The following ATP11B variants were observed in gnomAD, a reference collection of about 807,000 sequenced individuals.
The protein encoded by ATP11B is phospholipid-transporting ATPase IF.
In ATP11B, 81 loss-of-function variants were observed where a neutral mutation model predicts 157.8. The observed-to-expected ratio is 0.51, with a 90% CI of 0.43 to 0.62. The LOEUF is 0.62. Among genes scored for constraint, ATP11B ranks in the 20% least tolerant of loss-of-function variants. The pLI, the probability that ATP11B is intolerant of heterozygous loss-of-function variation, is 0.00. For synonymous variants in ATP11B, 451 were observed against 469.4 expected (o/e 0.96, Z 0.51); for missense variants, 1,165 against 1,402.2 (o/e 0.83, Z 2.70).
chr3:182,873,762 T>C (rs1157104158), intron 18 of ATP11B, 50 bp from the exon 19 acceptor site: 3 of 1,463,152 alleles, frequency 2.1e-6, no homozygotes, highest in African/African-American at 2.8e-5. Flanking sequence ...TAACTTAAAA[T>C]ACAGTCATAA....
chr3:182,842,701 C>T (rs1577006012), intron 8 of ATP11B, among the ~76,000 whole-genome samples: 1 of 152,240 alleles, frequency 6.6e-6, no homozygotes, highest in African/African-American at 2.4e-5. Context: ...TGAGGCTGAA[C>T]ACACCCAACA....
intron 4 of ATP11B, among the ~76,000 whole-genome samples, chr3:182,831,764 T>C (rs1238336705): frequency 4.6e-5 from 7 of 152,218 alleles, no homozygotes; most frequent in Admixed American, 4.6e-4. Flanking sequence ...GCCACTCTTA[T>C]TTCTTAGTCT....
rs1577135603 is a variant in ATP11B at position 182,921,345 on chromosome 3, C to CTGT, written c.*3243_*3245dup. ...ATAAAAGTAAAACACTATTAAAGTG[C>CTGT]TGTTTTATGTGAAATAACTTGAATG... On this transcript the variant is annotated 3_prime_UTR_variant, in exon 30 of 30. Coordinates refer to ENST00000323116, the MANE Select transcript of ATP11B (RefSeq NM_014616.3). The CTGT allele has an allele frequency of 3.9e-5, 6 of 152,234 alleles. 1 individual carries two copies. Among genetic ancestry groups the CTGT allele is most frequent in the Admixed American group, 6.5e-5 (1 of 15,298 alleles). The allele number at this position is 152,234 out of a possible 1,614,324, so 9.4% of individuals were successfully genotyped here.
At chr3:182,833,588 C>G (rs1718318218) in intron 4 of ATP11B, 1 of 152,142 alleles carries the variant, frequency 6.6e-6, no homozygotes, top group Admixed American at 6.6e-5. Context: ...TTCGGCCTCC[C>G]AAAGTGATGT....
At chr3:182,857,831 AGT>A in intron 10 of ATP11B, 45 bp from the exon 11 acceptor site, 1 of 1,200,560 alleles carries the variant, frequency 8.3e-7, no homozygotes, top group Non-Finnish European at 1.2e-6. Context: ...AAATGAATAT[AGT>A]AATACATGAG....
At chr3:182,854,209 C>G (rs1720196238) in intron 10 of ATP11B, among the ~76,000 whole-genome samples, 1 of 152,188 alleles carries the variant, frequency 6.6e-6, no homozygotes, top group South Asian at 2.1e-4. Flanking sequence ...GTGGCTCACA[C>G]CAGTAATCCC....
At chr3:182,851,970 A>G (rs1223172160) in intron 10 of ATP11B, among the ~76,000 whole-genome samples, 3 of 152,258 alleles carry the variant, frequency 2.0e-5, no homozygotes, top group East Asian at 1.9e-4. Context: ...TTGTAAGCCT[A>G]TGAAAACTGA....
At position 182,913,928 on chromosome 3, in the gene ATP11B, C is replaced by T. The variant is rs777176110; in HGVS notation, c.3386C>T (p.Ala1129Val). ...TGCTGTTTCCCGGAAGGAGAAGCAG[C>T]GTGTGCATCTGTTGGAAGAATGCTG... ...SMCCFPEGEA[A>V]CASVGRMLER... is the part of the protein sequence containing the mutation. Residue 1129 changes from alanine to valine, a missense_variant, in exon 29 of 30, where the codon GCG becomes GTG. Transcript: ENST00000323116. The T allele has an allele frequency of 1.4e-5, 23 of 1,614,120 alleles. No homozygotes were observed. In the Admixed American group the frequency reaches 1.5e-4, roughly 11 times the overall value.
At chr3:182,872,104 C>T (rs1043279344) in intron 17 of ATP11B, among the ~76,000 whole-genome samples, 4 of 152,148 alleles carry the variant, frequency 2.6e-5, no homozygotes, top group East Asian at 3.8e-4. Context: ...CGTGAGCCAC[C>T]GCACCCAGCC....
chr3:182,912,569 T>G (rs546115775), intron 28 of ATP11B, among the ~76,000 whole-genome samples: 5 of 152,272 alleles, frequency 3.3e-5, no homozygotes, highest in Non-Finnish European at 7.3e-5. Flanking sequence ...TGGCTCTTTC[T>G]CAGTGCTTAG....
At chr3:182,859,075 A>G in intron 11 of ATP11B, 87 bp from the exon 12 acceptor site, 4 of 916,642 alleles carry the variant, frequency 4.4e-6, no homozygotes, top group South Asian at 1.8e-5. Flanking sequence ...CTATGTAGGC[A>G]TGAAACTTTC....
At chr3:182,873,132 TAA>T (rs762539385) in intron 18 of ATP11B, among the ~76,000 whole-genome samples, 7 of 152,364 alleles carry the variant, frequency 4.6e-5, no homozygotes, top group Non-Finnish European at 1.0e-4. Flanking sequence ...ATTATTTGTT[TAA>T]AGACTTCTCC....
intron 27 of ATP11B, among the ~76,000 whole-genome samples, chr3:182,897,662 A>T (rs1224003075): frequency 6.6e-6 from 1 of 151,924 alleles, no homozygotes; most frequent in Non-Finnish European, 1.5e-5. Context: ...GTAGAAACTG[A>T]GCCTCAGGAT....
intron 1 of ATP11B, among the ~76,000 whole-genome samples, chr3:182,804,879 A>G (rs868684853): frequency 4.0e-4 from 61 of 152,158 alleles, no homozygotes; most frequent in Non-Finnish European, 1.3e-4. Flanking sequence ...CGTACCATAT[A>G]TGTGGTATTT....
intron 28 of ATP11B, among the ~76,000 whole-genome samples, chr3:182,909,613 T>C (rs1268825277): frequency 2.0e-5 from 3 of 152,318 alleles, no homozygotes; most frequent in East Asian, 1.9e-4. Context: ...CTGGCAACTA[T>C]GTCTATACAG....
chr3:182,876,479 T>G (rs1722050074), intron 19 of ATP11B, among the ~76,000 whole-genome samples: 1 of 152,220 alleles, frequency 6.6e-6, no homozygotes, highest in East Asian at 1.9e-4. Flanking sequence ...CTTGCCGTCT[T>G]AGTCTGTTTG....
At chr3:182,827,061 G>A (rs1717772915) in intron 2 of ATP11B, among the ~76,000 whole-genome samples, 1 of 152,042 alleles carries the variant, frequency 6.6e-6, no homozygotes, top group Non-Finnish European at 1.5e-5. Context: ...CTACCTATGT[G>A]CCAAGGAGTA....
intron 4 of ATP11B, among the ~76,000 whole-genome samples, chr3:182,832,920 G>A (rs1281019214): frequency 3.3e-5 from 5 of 151,914 alleles, no homozygotes; most frequent in East Asian, 1.9e-4. Context: ...GATCAGAGAC[G>A]GTTTTGTGGA....
At chr3:182,853,087 C>T (rs924021934) in intron 10 of ATP11B, among the ~76,000 whole-genome samples, 3 of 152,016 alleles carry the variant, frequency 2.0e-5, no homozygotes, top group African/African-American at 7.3e-5. Flanking sequence ...CTAGAAAGCA[C>T]GAAGTAAAAT....
Sources: gnomAD v4.1 joint callset for allele counts (sites outside exome capture counted in the v4.1 genomes callset) on GRCh38, gnomAD v4.1.1 for gene constraint, MANE v1.5 for transcripts, NCBI Gene and HGNC (gene_info 2026-07-23, HGNC 2026-07-21) for gene names.